CLSTN1: variants seen among roughly 807,000 people sequenced by gnomAD.
CLSTN1 encodes calsyntenin-1.
CLSTN1 carries 28 observed loss-of-function variants against 108.3 expected under a neutral mutation model. The observed-to-expected ratio is 0.26, with a 90% confidence interval of 0.19 to 0.35. CLSTN1 has a LOEUF of 0.35. Among genes scored for constraint, CLSTN1 ranks in the 10% least tolerant of loss-of-function variants. CLSTN1 has a pLI of 1.00. For synonymous variants in CLSTN1, 524 were observed against 534.9 expected (o/e 0.98, Z 0.28); for missense variants, 1,157 against 1,302.6 (o/e 0.89, Z 1.72).
At chr1:9,793,196 A>G (rs1653844863) in intron 1 of CLSTN1, among the ~76,000 whole-genome samples, 1 of 151,290 alleles carries the variant, frequency 6.6e-6, no homozygotes, top group South Asian at 2.2e-4. Context: ...TATTTTTAGT[A>G]GAGACGGGGT....
At chr1:9,792,442 C>A (rs1298734074) in intron 1 of CLSTN1, among the ~76,000 whole-genome samples, 2 of 151,428 alleles carry the variant, frequency 1.3e-5, no homozygotes, top group Non-Finnish European at 2.9e-5. Flanking sequence ...CACAATCCTT[C>A]CAGAAGTTCC....
At chr1:9,814,188 T>C (rs186534465) in intron 1 of CLSTN1, among the ~76,000 whole-genome samples, 42 of 150,448 alleles carry the variant, frequency 2.8e-4, no homozygotes, top group East Asian at 1.4e-3. Flanking sequence ...GGCAGGGAGA[T>C]TGCTTGAGTC....
At chr1:9,793,873 G>A (rs1278276464) in intron 1 of CLSTN1, among the ~76,000 whole-genome samples, 1 of 151,478 alleles carries the variant, frequency 6.6e-6, no homozygotes, top group African/African-American at 2.4e-5. Context: ...GGTACCCACT[G>A]CCTTTCTGTC....
chr1:9,800,943 A>C (rs1654238231), intron 1 of CLSTN1, among the ~76,000 whole-genome samples: 1 of 151,156 alleles, frequency 6.6e-6, no homozygotes. Context: ...AGTCTCAAAA[A>C]TAAATAAATA....
In CLSTN1 at chr1:9,731,913, G is replaced by A. The variant is rs767082618; in HGVS notation, c.2428-17C>T. On this transcript the variant is annotated splice_polypyrimidine_tract_variant and intron_variant, in intron 16 of 18. Transcript: ENST00000377298. The stretch of plus-strand genomic sequence containing the variant: ...TACATTCACCTATAGCAGAGAAAGA[G>A]AGGATCGCTGGAGACAGGCATCCTG... The A allele has an allele frequency of 6.2e-7, 1 of 1,614,096 alleles. No homozygotes were observed. Among genetic ancestry groups the A allele is most frequent in the Non-Finnish European group, 8.5e-7 (1 of 1,179,990 alleles).
At chr1:9,744,296 G>T (rs2101095326) in intron 8 of CLSTN1, 99 bp downstream of exon 8, 1 of 1,489,372 alleles carries the variant, frequency 6.7e-7, no homozygotes. Flanking sequence ...ACGAGCACCA[G>T]GCTGGCAGGG....
In CLSTN1 at chr1:9,735,997, C is replaced by G. The variant is rs1195842206; in HGVS notation, c.1622G>C (p.Gly541Ala). 6 of 1,614,178 alleles carry G rather than the reference C, an allele frequency of 3.7e-6. No homozygotes were observed. Among genetic ancestry groups the G allele is most frequent in the Non-Finnish European group, 5.1e-6 (6 of 1,180,036 alleles). ...GAGTTTCCCGGAACGGAGAGTTAAGCCAGCCAGATTGCCTCGGAAAAACTG... is the reference window on the plus strand; with the variant it reads ...GAGTTTCCCGGAACGGAGAGTTAAGGCAGCCAGATTGCCTCGGAAAAACTG... ...MTQFFRGNLA[G>A]LTLRSGKLAD... is the part of the protein sequence containing the mutation. The change falls in exon 12 of 19, where the codon GGC becomes GCC. Residue 541 changes from glycine (G) to alanine (A), a missense_variant. Physicochemically the swap from Gly to Ala is moderately conservative, Grantham distance 60 (BLOSUM62 0). Transcript: ENST00000377298.
chr1:9,766,051 T>A (rs1274752853), intron 2 of CLSTN1, among the ~76,000 whole-genome samples: 1 of 152,100 alleles, frequency 6.6e-6, no homozygotes, highest in Non-Finnish European at 1.5e-5. Flanking sequence ...GACAAGAGTA[T>A]CACAGGGCTC....
rs70998307 is a variant in CLSTN1, at chr1:9,764,637, TAAAAAAAAA to T, written c.215-8136_215-8128del. On this transcript the variant is annotated intron_variant, in intron 2 of 18. Transcript: ENST00000377298. Reference sequence around the variant, plus strand: ...GGGTGATGAAGTGAGGCTCCATCTTTAAAAAAAAAAAAAAAAAAAAAAAAAAAGTTTCCA... The same window carrying T: ...GGGTGATGAAGTGAGGCTCCATCTTTAAAAAAAAAAAAAAAAAAGTTTCCA... Among the ~76,000 whole-genome samples the T allele has an allele frequency of 2.2e-3, 181 of 82,336 alleles. 1 individual carries two copies. The East Asian group carries it at 0.042, about 19-fold the overall frequency. The allele number at this position is 82,336 out of a possible 152,430, so 54.0% of individuals were successfully genotyped here.
rs1365731833 is a variant in CLSTN1, at chr1:9,755,283, C to T, written c.271G>A (p.Gly91Arg). The T allele has an allele frequency of 7.4e-6, 12 of 1,612,522 alleles. No individual in the cohort carries two copies. The highest frequency in any genetic ancestry group is 2.7e-5 in the African/African-American group (2 of 74,860). Reference protein sequence around the residue: ...EGEICGFKIHGQNVPFDAVVV... With the variant: ...EGEICGFKIHRQNVPFDAVVV... ...ACTGCATCAAAGGGGACATTCTGCC[C>T]GTGAATTTTAAATCCACAAATCTCA... The change falls in exon 4 of 19, where the codon GGG becomes AGG. Residue 91 changes from glycine to arginine, a missense_variant. Physicochemically the swap from Gly to Arg is moderately radical, Grantham distance 125. Transcript: ENST00000377298.
intron 1 of CLSTN1, among the ~76,000 whole-genome samples, chr1:9,787,295 C>G (rs1205076164): frequency 1.3e-5 from 2 of 151,196 alleles, no homozygotes; most frequent in African/African-American, 4.8e-5. Context: ...CCTGCCCTCT[C>G]AGAGCTTGTG....
chr1:9,818,715 G>A (rs959897815), intron 1 of CLSTN1, among the ~76,000 whole-genome samples: 8 of 147,190 alleles, frequency 5.4e-5, no homozygotes, highest in South Asian at 2.1e-4. Context: ...ACTAAAATCC[G>A]TATTTTGTAG....
rs1284039606 is a variant in CLSTN1 at position 9,768,677 on chromosome 1, TTAG to T, written c.214+4592_214+4594del. On this transcript the variant is annotated intron_variant, in intron 2 of 18. Transcript: ENST00000377298. Reference sequence around the variant, plus strand: ...GTGGTATCATGGGGGCGGGGTTCTGTTAGGTGGCACCATGGGGGTGGGGTTCTG... The same window carrying T: ...GTGGTATCATGGGGGCGGGGTTCTGTGTGGCACCATGGGGGTGGGGTTCTG... Among the ~76,000 whole-genome samples, 7 of 84,110 alleles carry T rather than the reference TTAG, an allele frequency of 8.3e-5. No homozygotes were observed. The East Asian group carries it at 2.7e-3, about 32-fold the overall frequency. 55.2% of individuals were successfully genotyped at this position (84,110 alleles called of 152,430 possible).
intron 1 of CLSTN1, chr1:9,780,780 T>C (rs1223788401): frequency 1.2e-5 from 2 of 167,568 alleles, no homozygotes; most frequent in Non-Finnish European, 2.5e-5. Flanking sequence ...ACCTGACTCA[T>C]TTCATCACAT....
intron 2 of CLSTN1, among the ~76,000 whole-genome samples, chr1:9,768,266 G>C (rs1298540501): frequency 6.7e-6 from 1 of 148,452 alleles, no homozygotes; most frequent in African/African-American, 2.5e-5. Context: ...CCATAGGGAT[G>C]GGGTTCTATG....
rs573581338 is a variant in CLSTN1, at chr1:9,742,195, G to A, written c.1357-939C>T. 6.6e-5 allele frequency among the ~76,000 whole-genome samples: 10 copies of A among 152,208 alleles called. No homozygotes were observed. The East Asian group carries it at 7.7e-4, about 12-fold the overall frequency. On this transcript the variant is annotated intron_variant, in intron 9 of 18. Coordinates refer to ENST00000377298, the MANE Select transcript of CLSTN1 (RefSeq NM_001009566.3). ...CTGAACATTGACTGGCTATTTGATC[G>A]TATTAGAAATTTTACTGTTAGGTTT... is the stretch of plus-strand genomic sequence containing the variant.
chr1:9,810,293 T>C (rs1462513959), intron 1 of CLSTN1, among the ~76,000 whole-genome samples: 1 of 151,088 alleles, frequency 6.6e-6, no homozygotes, highest in Non-Finnish European at 1.5e-5. Context: ...CTGGCCAACA[T>C]GGTGAAACCC....
At chr1:9,810,399 C>A (rs1346915835) in intron 1 of CLSTN1, among the ~76,000 whole-genome samples, 1 of 150,174 alleles carries the variant, frequency 6.7e-6, no homozygotes, top group African/African-American at 2.5e-5. Flanking sequence ...TTGCTTGAAG[C>A]CGGGAGGCAG....
intron 1 of CLSTN1, among the ~76,000 whole-genome samples, chr1:9,797,243 AGAGTCT>A (rs1404967183): frequency 1.3e-5 from 2 of 151,938 alleles, no homozygotes; most frequent in Non-Finnish European, 2.9e-5. Context: ...AGCCCACCCA[AGAGTCT>A]GAGTCCTGAC....
Sources: gnomAD v4.1 joint callset for allele counts (sites outside exome capture counted in the v4.1 genomes callset) on GRCh38, gnomAD v4.1.1 for gene constraint, MANE v1.5 for transcripts, NCBI Gene and HGNC (gene_info 2026-07-23, HGNC 2026-07-21) for gene names.